The following CEP83 variants were observed in gnomAD, a reference collection of about 807,000 sequenced individuals.
CEP83 encodes centrosomal protein of 83 kDa.
A neutral mutation model predicts 101.9 loss-of-function variants in CEP83; 70 were observed. That is an observed-to-expected ratio of 0.69 (90% CI 0.57 to 0.84). CEP83 has a LOEUF of 0.84. Among genes scored for constraint, CEP83 ranks in the 40% least tolerant of loss-of-function variants. CEP83 has a pLI of 0.00. For synonymous variants in CEP83, 264 were observed against 267.9 expected (o/e 0.99, Z 0.14); for missense variants, 715 against 787.2 (o/e 0.91, Z 1.10).
At chr12:94,292,326 C>G in the CEP83 span, among the ~76,000 whole-genome samples, 1 of 152,098 alleles carries the variant, frequency 6.6e-6, no homozygotes, top group African/African-American at 2.4e-5. Context: ...ACAATGGGAG[C>G]ACTTTTCAGG....
intron 14 of CEP83, among the ~76,000 whole-genome samples, chr12:94,325,841 ATGTGAC>A (rs750033988): frequency 1.7e-3 from 253 of 152,312 alleles, no homozygotes; most frequent in African/African-American, 5.6e-3. Context: ...GGCACCCAGA[ATGTGAC>A]TGTGGTATAA....
At chr12:94,362,920 A>G (rs536160984) in intron 11 of CEP83, among the ~76,000 whole-genome samples, 3 of 152,290 alleles carry the variant, frequency 2.0e-5, no homozygotes, top group South Asian at 2.1e-4. Context: ...TGTTAATTAA[A>G]TAAGTCAGGC....
At chr12:94,408,524 T>C (rs1300737744) in intron 4 of CEP83, among the ~76,000 whole-genome samples, 2 of 152,192 alleles carry the variant, frequency 1.3e-5, no homozygotes, top group Non-Finnish European at 2.9e-5. Flanking sequence ...TTTGCTAACA[T>C]GGTACATAGT....
At chr12:94,338,978 T>G (rs1199574640) in intron 11 of CEP83, among the ~76,000 whole-genome samples, 1 of 152,016 alleles carries the variant, frequency 6.6e-6, no homozygotes. Context: ...TTTTTCTTTT[T>G]TTAGAGATGG....
At chr12:94,371,389 A>C (rs989198464) in intron 8 of CEP83, among the ~76,000 whole-genome samples, 10 of 152,344 alleles carry the variant, frequency 6.6e-5, no homozygotes, top group Admixed American at 6.5e-4. Context: ...CATGTGCACA[A>C]GTATTAGGTA....
At chr12:94,368,257 T>C (rs1464060193) in intron 9 of CEP83, 56 bp from the exon 10 acceptor site, 3 of 1,393,272 alleles carry the variant, frequency 2.2e-6, no homozygotes, top group African/African-American at 1.4e-5. Flanking sequence ...AGATGAAAAA[T>C]CACATTTAAC....
chr12:94,430,897 G>T (rs147142680), intron 2 of CEP83, among the ~76,000 whole-genome samples: 7 of 152,246 alleles, frequency 4.6e-5, no homozygotes, highest in African/African-American at 1.7e-4. Flanking sequence ...CACATAGACT[G>T]AAAGTAAAGG....
At chr12:94,299,942 T>C in the CEP83 span, among the ~76,000 whole-genome samples, 4 of 152,126 alleles carry the variant, frequency 2.6e-5, no homozygotes, top group Non-Finnish European at 5.9e-5. Context: ...TTGAAGATTA[T>C]GGCATCTGAG....
At chr12:94,272,590 A>G in the CEP83 span, among the ~76,000 whole-genome samples, 4 of 152,136 alleles carry the variant, frequency 2.6e-5, no homozygotes, top group Admixed American at 2.6e-4. Context: ...CGCTCCAAGC[A>G]CTACTCTCCC....
intron 1 of CEP83, among the ~76,000 whole-genome samples, chr12:94,437,299 C>G (rs538960273): frequency 6.6e-6 from 1 of 152,156 alleles, no homozygotes. Flanking sequence ...GAGCCAAGAT[C>G]GTGCCACTGC....
chr12:94,275,677 C>G, the CEP83 span, among the ~76,000 whole-genome samples: 2 of 103,426 alleles, frequency 1.9e-5, 1 homozygote, highest in Non-Finnish European at 4.0e-5. Context: ...AACGGTGAAA[C>G]CCCGTCTCTA....
rs1405579469 is a variant in CEP83, at chr12:94,309,993, T to C, written c.1926A>G (p.Ala642=). 1.2e-6 allele frequency: 2 copies of C among 1,612,512 alleles called. No individual in the cohort carries two copies. The highest frequency in any genetic ancestry group is 2.7e-5 in the African/African-American group (2 of 74,884). Residue 642 remains alanine, a synonymous_variant, in exon 16 of 17, where the codon GCA becomes GCG. Transcript: ENST00000397809. ...LILVPNMPPT[A]SINPVSFQSS... ...ACTGAAAGCTAACAGGATTGATAGATGCTGTTGGAGGCATGTTAGGAACCA... is the reference window on the plus strand; with the variant it reads ...ACTGAAAGCTAACAGGATTGATAGACGCTGTTGGAGGCATGTTAGGAACCA...
intron 11 of CEP83, among the ~76,000 whole-genome samples, chr12:94,346,118 C>T (rs530840645): frequency 6.6e-6 from 1 of 152,112 alleles, no homozygotes; most frequent in East Asian, 1.9e-4. Flanking sequence ...TGGCCAATCT[C>T]GGCTCACTGC....
At chr12:94,317,476 GA>G (rs1274926045) in intron 14 of CEP83, among the ~76,000 whole-genome samples, 12 of 152,158 alleles carry the variant, frequency 7.9e-5, no homozygotes, top group Non-Finnish European at 1.6e-4. Context: ...TCTTCATCAT[GA>G]AATCTTTGCC....
At chr12:94,349,261 G>C (rs1371174409) in intron 11 of CEP83, among the ~76,000 whole-genome samples, 4 of 149,306 alleles carry the variant, frequency 2.7e-5, no homozygotes, top group Non-Finnish European at 5.9e-5. Flanking sequence ...CTCCAGCCTG[G>C]GTGACAAGAG....
intron 4 of CEP83, among the ~76,000 whole-genome samples, chr12:94,405,794 G>A (rs1374957065): frequency 6.6e-6 from 1 of 152,172 alleles, no homozygotes; most frequent in Non-Finnish European, 1.5e-5. Flanking sequence ...GAGTTGAGGA[G>A]ATGAAACTGA....
At chr12:94,381,616 C>A (rs189869889) in intron 6 of CEP83, among the ~76,000 whole-genome samples, 1 of 151,976 alleles carries the variant, frequency 6.6e-6, no homozygotes, top group East Asian at 1.9e-4. Context: ...ATTACCTTTA[C>A]GATATAACAT....
At chr12:94,378,666 G>T in intron 7 of CEP83, 125 bp downstream of exon 7, 2 of 1,002,144 alleles carry the variant, frequency 2.0e-6, no homozygotes, top group East Asian at 2.4e-5. Flanking sequence ...AAATACTCTT[G>T]GGATTACACA....
chr12:94,438,167 C>T (rs1204683002), intron 1 of CEP83, among the ~76,000 whole-genome samples: 2 of 151,242 alleles, frequency 1.3e-5, no homozygotes, highest in Non-Finnish European at 2.9e-5. Context: ...TGCAGTGAGC[C>T]GAGATCATGT....
Sources: gnomAD v4.1 joint callset for allele counts (sites outside exome capture counted in the v4.1 genomes callset) on GRCh38, gnomAD v4.1.1 for gene constraint, MANE v1.5 for transcripts, NCBI Gene and HGNC (gene_info 2026-07-23, HGNC 2026-07-21) for gene names.